Variants in BCHE observed in about 807,000 individuals in gnomAD.
BCHE encodes the protein cholinesterase.
BCHE carries 48 observed loss-of-function variants against 51.3 expected under a neutral mutation model. The observed-to-expected ratio is 0.94, with a 90% CI of 0.74 to 1.19. BCHE has a LOEUF of 1.19. Among genes scored for constraint, BCHE ranks in the 50% most tolerant of loss-of-function variants. BCHE has a pLI of 0.00. For synonymous variants in BCHE, 251 were observed against 238.0 expected, an observed-to-expected ratio of 1.05 and a Z score of -0.50; for missense variants, 847 against 708.2, an observed-to-expected ratio of 1.20 and a Z score of -2.23.
intron 1 of BCHE, among the ~76,000 whole-genome samples, chr3:165,834,568 A>T (rs1715117450): frequency 6.6e-6 from 1 of 151,980 alleles, no homozygotes; most frequent in South Asian, 2.1e-4. Flanking sequence ...TTTTTAAATA[A>T]GCATCACTTT....
rs745686193 is a variant in BCHE at position 165,786,329 on chromosome 3, G to T, written c.1518-18C>A. The T allele has an allele frequency of 5.0e-6, 8 of 1,589,878 alleles. No individual in the cohort carries two copies. The highest frequency in any genetic ancestry group is 1.1e-5 in the South Asian group (1 of 89,912). ...TTGGATTCCTAAATAATAAAATAGAGACATTATAGTAAAATTGAAATCATT... is the reference window on the plus strand; with the variant it reads ...TTGGATTCCTAAATAATAAAATAGATACATTATAGTAAAATTGAAATCATT... On this transcript the variant is annotated intron_variant, in intron 2 of 3. Coordinates refer to ENST00000264381, the MANE Select transcript of BCHE (RefSeq NM_000055.4).
At chr3:165,809,653 T>G (rs1432105875) in intron 2 of BCHE, among the ~76,000 whole-genome samples, 1 of 152,170 alleles carries the variant, frequency 6.6e-6, no homozygotes, top group Non-Finnish European at 1.5e-5. Flanking sequence ...GGCAAATGTT[T>G]GTGAGGTATA....
chr3:165,806,496 C>A (rs1713869508), intron 2 of BCHE, among the ~76,000 whole-genome samples: 1 of 152,098 alleles, frequency 6.6e-6, no homozygotes. Flanking sequence ...GATGGTAGGC[C>A]TGCATTTTAC....
At chr3:165,821,259 T>C (rs1714500978) in intron 2 of BCHE, among the ~76,000 whole-genome samples, 1 of 151,892 alleles carries the variant, frequency 6.6e-6, no homozygotes, top group Admixed American at 6.6e-5. Context: ...TCAATTATAA[T>C]TTGGAAATTA....
In BCHE at chr3:165,830,942, T is replaced by C. The variant is rs1334341809; in HGVS notation, c.92A>G (p.Asp31Gly). The C allele has an allele frequency of 5.6e-6, 9 of 1,613,898 alleles. No homozygotes were observed. The highest frequency in any genetic ancestry group is 1.7e-4 in the Middle Eastern group (1 of 6,060). Residue 31 changes from aspartate (D) to glycine (G), a missense_variant, in exon 2 of 4, where the codon GAC (aspartate) becomes GGC (glycine). Asp to Gly is a moderately conservative substitution (Grantham distance 94, BLOSUM62 -1). Transcript: ENST00000264381. ...MLIGKSHTEDDIIIATKNGKV... is the reference protein window; with the variant it reads ...MLIGKSHTEDGIIIATKNGKV... ...TCCATTCTTTGTTGCAATTATGATG[T>C]CATCTTCAGTATGTGACTTCCCAAT...
intron 2 of BCHE, chr3:165,828,067 C>T (rs1255451107): frequency 2.2e-6 from 1 of 455,908 alleles, no homozygotes; most frequent in Admixed American, 2.4e-5. Flanking sequence ...TGAGGAAGAA[C>T]AGCTTACAAT....
At chr3:165,777,678 C>A in intron 3 of BCHE, 3 of 378,156 alleles carry the variant, frequency 7.9e-6, no homozygotes, top group Admixed American at 2.9e-5. Flanking sequence ...CACAGTTGAC[C>A]TTGAACAACA....
chr3:165,830,209 A>C lies in BCHE; in HGVS notation c.825T>G (p.Ala275=), dbSNP rs779456773. Residue 275 remains alanine, a synonymous_variant, in exon 2 of 4, where the codon GCT becomes GCG. Coordinates refer to ENST00000264381, the MANE Select transcript of BCHE (RefSeq NM_000055.4). Reference sequence around the variant, plus strand: ...TCTCTCTAGAGCAACCAGTCAATTTAGCTAAGTTCAACGTTCTGTTCCTAG... The same window carrying C: ...TCTCTCTAGAGCAACCAGTCAATTTCGCTAAGTTCAACGTTCTGTTCCTAG... The part of the protein sequence containing the change: ...YEARNRTLNL[A]KLTGCSRENE... 2.5e-6 allele frequency: 4 copies of C among 1,614,022 alleles called. No individual in the cohort carries two copies. The South Asian group carries it at 4.4e-5, about 18-fold the overall frequency.
At chr3:165,826,921 G>T (rs1364582527) in intron 2 of BCHE, among the ~76,000 whole-genome samples, 2 of 152,064 alleles carry the variant, frequency 1.3e-5, no homozygotes, top group Non-Finnish European at 2.9e-5. Flanking sequence ...CCTTTACCTT[G>T]CTGGTATCAT....
At chr3:165,796,385 T>A (rs1342628804) in intron 2 of BCHE, among the ~76,000 whole-genome samples, 4 of 152,180 alleles carry the variant, frequency 2.6e-5, no homozygotes, top group Admixed American at 1.3e-4. Context: ...AAGGTGAGAC[T>A]TCTTGAATGA....
intron 2 of BCHE, among the ~76,000 whole-genome samples, chr3:165,800,059 G>A (rs1316423214): frequency 6.6e-6 from 1 of 151,810 alleles, no homozygotes; most frequent in Non-Finnish European, 1.5e-5. Context: ...TATAATCAAA[G>A]ATTTCTATTC....
intron 3 of BCHE, among the ~76,000 whole-genome samples, chr3:165,779,637 C>G (rs1380110064): frequency 6.6e-6 from 1 of 151,900 alleles, no homozygotes; most frequent in African/African-American, 2.4e-5. Context: ...AAGCAGAGAG[C>G]CAAATCATGA....
At chr3:165,803,868 G>C (rs1713761595) in intron 2 of BCHE, among the ~76,000 whole-genome samples, 1 of 152,076 alleles carries the variant, frequency 6.6e-6, no homozygotes, top group South Asian at 2.1e-4. Context: ...AAGAGACCTG[G>C]GCTGCAGATA....
Position 165,830,063 on chromosome 3 carries a change from C to T in BCHE, c.971G>A (p.Gly324Asp). ...LSVNFGPTVD[G>D]DFLTDMPDIL... ...GTCTGGCATGTCAGTGAGAAAATCA[C>T]CATCCACGGTCGGACCAAAGTTTAC... The change falls in exon 2 of 4, where the codon GGT becomes GAT. Residue 324 changes from glycine (G) to aspartate (D), a missense_variant. Physicochemically the swap from Gly to Asp is moderately conservative, Grantham distance 94. Coordinates refer to ENST00000264381, the MANE Select transcript of BCHE (RefSeq NM_000055.4). 9.9e-6 allele frequency: 16 copies of T among 1,613,674 alleles called. No homozygotes were observed. Among genetic ancestry groups the T allele is most frequent in the Non-Finnish European group, 1.3e-5 (15 of 1,179,828 alleles).
chr3:165,775,530 G>GA (rs1002884745), intron 3 of BCHE, among the ~76,000 whole-genome samples: 3 of 151,396 alleles, frequency 2.0e-5, no homozygotes, highest in Non-Finnish European at 3.0e-5. Flanking sequence ...CTAAATTCCA[G>GA]AAAAAATTTT....
intron 2 of BCHE, among the ~76,000 whole-genome samples, chr3:165,820,200 T>C (rs1282963015): frequency 1.2e-5 from 1 of 82,516 alleles, no homozygotes; most frequent in Non-Finnish European, 3.4e-5. Flanking sequence ...GATTTGCCCC[T>C]TTGGGGGACA....
intron 2 of BCHE, among the ~76,000 whole-genome samples, chr3:165,825,891 A>AAAAG (rs1714704625): frequency 6.6e-6 from 1 of 152,164 alleles, no homozygotes; most frequent in Admixed American, 6.6e-5. Context: ...TAAGCATAAG[A>AAAAG]AAAGATGTTT....
rs1179396206 is a variant in BCHE at position 165,773,412 on chromosome 3, A to G, written c.1779T>C (p.Thr593=). The G allele has an allele frequency of 3.7e-6, 6 of 1,610,584 alleles. No homozygotes were observed. In the African/African-American group the frequency reaches 6.7e-5, roughly 18 times the overall value. The change falls in exon 4 of 4, where the codon ACT becomes ACC. Residue 593 remains threonine, a synonymous_variant. Coordinates refer to ENST00000264381, the MANE Select transcript of BCHE (RefSeq NM_000055.4). ...MDWKNQFNDY[T]SKKESCVGL ...GACCCACACAACTTTCTTTCTTGCT[A>G]GTGTAATCGTTAAATTGATTTTTCC...
At chr3:165,792,805 A>C (rs1282249062) in intron 2 of BCHE, among the ~76,000 whole-genome samples, 1 of 152,168 alleles carries the variant, frequency 6.6e-6, no homozygotes, top group Non-Finnish European at 1.5e-5. Context: ...ATGTATGTGT[A>C]TTGCAATAAA....
Sources: gnomAD v4.1 joint callset for allele counts (sites outside exome capture counted in the v4.1 genomes callset) on GRCh38, gnomAD v4.1.1 for gene constraint, MANE v1.5 for transcripts, NCBI Gene and HGNC (gene_info 2026-07-23, HGNC 2026-07-21) for gene names.